The following DNM3 variants were observed in gnomAD, a reference collection of about 807,000 sequenced individuals.
DNM3 encodes the protein dynamin 3.
In DNM3, 47 loss-of-function variants were observed where a neutral mutation model predicts 101.6. The ratio of observed to expected loss-of-function variants is 0.46; its 90% confidence interval spans 0.37 to 0.59. The LOEUF (loss-of-function observed/expected upper bound fraction) is 0.59. Among genes scored for constraint, DNM3 ranks in the 20% least tolerant of loss-of-function variants. The pLI is 0.00. For synonymous variants in DNM3, 385 were observed against 387.9 expected (o/e 0.99, Z 0.09); for missense variants, 849 against 1,085.7 (o/e 0.78, Z 3.06).
intron 2 of DNM3, among the ~76,000 whole-genome samples, chr1:171,933,538 G>A (rs2041190917): frequency 1.3e-5 from 2 of 152,188 alleles, no homozygotes; most frequent in Non-Finnish European, 2.9e-5. Context: ...TATGTAGGCA[G>A]AGGTAAGTTA....
chr1:172,276,111 G>C (rs2063275852), intron 15 of DNM3, among the ~76,000 whole-genome samples: 1 of 152,060 alleles, frequency 6.6e-6, no homozygotes, highest in Non-Finnish European at 1.5e-5. Flanking sequence ...CCCATTTCCA[G>C]AGCACTTTAG....
At chr1:172,194,964 C>G (rs1361745353) in intron 14 of DNM3, among the ~76,000 whole-genome samples, 3 of 152,044 alleles carry the variant, frequency 2.0e-5, no homozygotes, top group African/African-American at 7.2e-5. Flanking sequence ...TATTGATGGT[C>G]TCTACCATTT....
intron 2 of DNM3, among the ~76,000 whole-genome samples, chr1:171,964,936 G>A (rs1180215520): frequency 1.3e-5 from 2 of 151,794 alleles, no homozygotes; most frequent in African/African-American, 4.8e-5. Context: ...CTGAATGTGT[G>A]GATTTTCTAA....
chr1:172,078,283 A>G lies in DNM3; in HGVS notation c.1423-3549A>G, dbSNP rs571084661. Among the ~76,000 whole-genome samples the G allele has an allele frequency of 1.3e-4, 20 of 152,050 alleles. No homozygotes were observed. In the East Asian group the frequency reaches 1.9e-3, roughly 15 times the overall value. ...AATTTTTTGTATTTTTAGTAGAGAT[A>G]GGGTTTCATCATATTAGCCAGGATG... On this transcript the variant is annotated intron_variant, in intron 11 of 20. Transcript: ENST00000627582.
In DNM3 at chr1:172,115,988, C is replaced by T. The variant is rs185816555; in HGVS notation, c.1546-15187C>T. ...AAAAAAAAAATAGGTACTCAATTAA[C>T]GTAGTAAGTATTCAATAACCATCTA... On this transcript the variant is annotated intron_variant, in intron 13 of 20. Coordinates refer to ENST00000627582, the MANE Select transcript of DNM3 (RefSeq NM_015569.5). Among the ~76,000 whole-genome samples, 210 of 152,152 alleles carry T rather than the reference C, an allele frequency of 1.4e-3. 1 individual carries two copies. Among genetic ancestry groups the T allele is most frequent in the African/African-American group, 4.3e-3 (178 of 41,506 alleles).
chr1:171,907,373 C>T (rs1351146935), intron 1 of DNM3, among the ~76,000 whole-genome samples: 1 of 152,138 alleles, frequency 6.6e-6, no homozygotes, highest in Admixed American at 6.5e-5. Context: ...TGCCTGTAAT[C>T]CCAGCTACTG....
At chr1:172,213,957 T>C (rs1311655506) in intron 14 of DNM3, among the ~76,000 whole-genome samples, 2 of 151,934 alleles carry the variant, frequency 1.3e-5, no homozygotes, top group African/African-American at 2.4e-5. Context: ...ATAGCAAGAG[T>C]TTTACTGTAA....
At chr1:171,938,465 T>C (rs1175690701) in intron 2 of DNM3, among the ~76,000 whole-genome samples, 1 of 152,172 alleles carries the variant, frequency 6.6e-6, no homozygotes, top group Non-Finnish European at 1.5e-5. Context: ...CACATAATTT[T>C]AAATCTGGAA....
At position 172,365,301 on chromosome 1, in the gene DNM3, G is replaced by A. The variant is rs566479009; in HGVS notation, c.1894-13717G>A. Among the ~76,000 whole-genome samples, 121 of 152,052 alleles carry A rather than the reference G, an allele frequency of 8.0e-4. No individual in the cohort carries two copies. The South Asian group carries it at 0.013, about 16-fold the overall frequency. On this transcript the variant is annotated intron_variant, in intron 17 of 20. Transcript: ENST00000627582. The stretch of plus-strand genomic sequence containing the variant: ...GAGTTTGCCTCAAAATAGTTGAGAA[G>A]TATAGACGGAACAAGGTTGGCCATG...
Position 171,904,294 on chromosome 1 carries a change from T to C in DNM3, c.162-17454T>C, listed in dbSNP as rs201502633. Among the ~76,000 whole-genome samples the C allele has an allele frequency of 2.0e-5, 3 of 152,118 alleles. No homozygotes were observed. In the East Asian group the frequency reaches 5.8e-4, roughly 29 times the overall value. ...CTGCATTCCAGCCTGTGCGGCAGAG[T>C]AAGACCCTGTCTCAAAAGAAAAAAT... On this transcript the variant is annotated intron_variant, in intron 1 of 20. Transcript: ENST00000627582.
chr1:172,314,709 C>G (rs905408784), intron 16 of DNM3, among the ~76,000 whole-genome samples: 30 of 152,250 alleles, frequency 2.0e-4, no homozygotes, highest in Non-Finnish European at 3.8e-4. Context: ...ATTGCCCAGG[C>G]TTGCTTAGGT....
chr1:172,101,251 AAT>A (rs1232681982), intron 13 of DNM3, among the ~76,000 whole-genome samples: 2 of 152,216 alleles, frequency 1.3e-5, no homozygotes, highest in South Asian at 4.1e-4. Context: ...TGAGATGGTT[AAT>A]ACCTCATCAT....
chr1:172,133,048 C>A (rs2057025654), intron 14 of DNM3: 1 of 1,477,404 alleles, frequency 6.8e-7, no homozygotes, highest in Non-Finnish European at 8.9e-7. Flanking sequence ...TCCAAGCCAA[C>A]CTCATCCCAC....
At chr1:172,261,004 G>T (rs946844963) in intron 15 of DNM3, among the ~76,000 whole-genome samples, 6 of 151,586 alleles carry the variant, frequency 4.0e-5, no homozygotes, top group African/African-American at 1.5e-4. Flanking sequence ...ACCCATGCTG[G>T]CGTGCAGTGA....
intron 11 of DNM3, among the ~76,000 whole-genome samples, chr1:172,070,753 T>C (rs1335240006): frequency 1.3e-5 from 2 of 151,924 alleles, no homozygotes; most frequent in Non-Finnish European, 2.9e-5. Flanking sequence ...ACAATAGTGG[T>C]AGTTAACTCA....
chr1:171,905,304 C>T (rs2038727641), intron 1 of DNM3, among the ~76,000 whole-genome samples: 1 of 152,186 alleles, frequency 6.6e-6, no homozygotes, highest in Non-Finnish European at 1.5e-5. Flanking sequence ...ATTCAAAATT[C>T]ATGTCAAATA....
At chr1:171,900,236 G>C (rs1002647294) in intron 1 of DNM3, among the ~76,000 whole-genome samples, 1 of 152,160 alleles carries the variant, frequency 6.6e-6, no homozygotes, top group Non-Finnish European at 1.5e-5. Flanking sequence ...ATTAGGACAC[G>C]ATGCGTTTGG....
intron 11 of DNM3, among the ~76,000 whole-genome samples, chr1:172,076,771 A>AT (rs1049262065): frequency 6.6e-6 from 1 of 152,016 alleles, no homozygotes; most frequent in Non-Finnish European, 1.5e-5. Flanking sequence ...TTGGCCTGAA[A>AT]TTTTCTTTTT....
At chr1:172,367,214 G>GAA (rs375481693) in intron 17 of DNM3, among the ~76,000 whole-genome samples, 1 of 145,986 alleles carries the variant, frequency 6.8e-6, no homozygotes. Context: ...AGCACTGAAA[G>GAA]AAAAAAAAAA....
Sources: allele counts gnomAD v4.1 joint callset (sites outside exome capture counted in the v4.1 genomes callset), GRCh38; gene constraint gnomAD v4.1.1; transcripts MANE v1.5; gene names NCBI Gene and HGNC (gene_info 2026-07-23, HGNC 2026-07-21).